The following TMTC2 variants were observed in gnomAD, a reference collection of about 807,000 sequenced individuals.
The protein encoded by TMTC2 is protein O-mannosyl-transferase TMTC2.
A neutral mutation model predicts 82.4 loss-of-function variants in TMTC2; 43 were observed. That is an observed-to-expected ratio of 0.52 (90% CI 0.41 to 0.67). The LOEUF (loss-of-function observed/expected upper bound fraction) is 0.67, where lower values mean the gene tolerates loss of function less well. Among genes scored for constraint, TMTC2 ranks in the 30% least tolerant of loss-of-function variants. The pLI is 0.00. For synonymous variants in TMTC2, 408 were observed against 381.9 expected, an observed-to-expected ratio of 1.07 and a Z score of -0.80; for missense variants, 919 against 1,012.4, an observed-to-expected ratio of 0.91 and a Z score of 1.25.
chr12:83,081,279 C>T (rs540497069), intron 11 of TMTC2, among the ~76,000 whole-genome samples: 1 of 152,278 alleles, frequency 6.6e-6, no homozygotes, highest in Non-Finnish European at 1.5e-5. Context: ...CATGTGATTA[C>T]TTTGCTCTGG....
intron 1 of TMTC2, among the ~76,000 whole-genome samples, chr12:82,829,254 T>C (rs548090276): frequency 6.6e-6 from 1 of 152,346 alleles, no homozygotes; most frequent in South Asian, 2.1e-4. Flanking sequence ...CTAAACCTAC[T>C]TCCTAGTGCT....
At chr12:82,769,858 C>T (rs1173911057) in intron 1 of TMTC2, among the ~76,000 whole-genome samples, 1 of 152,150 alleles carries the variant, frequency 6.6e-6, no homozygotes, top group Non-Finnish European at 1.5e-5. Context: ...GATCCACCTG[C>T]CTCGGCCTCC....
intron 11 of TMTC2, among the ~76,000 whole-genome samples, chr12:83,087,898 G>T (rs1038948476): frequency 3.3e-5 from 5 of 152,208 alleles, no homozygotes; most frequent in Non-Finnish European, 5.9e-5. Context: ...AGTTGCATTA[G>T]CCCCTCACAA....
chr12:82,730,210 G>A (rs371761386), intron 1 of TMTC2, among the ~76,000 whole-genome samples: 2 of 147,654 alleles, frequency 1.4e-5, no homozygotes, highest in South Asian at 4.3e-4. Flanking sequence ...CAGGAGAATC[G>A]CTTGAACCCA....
intron 2 of TMTC2, among the ~76,000 whole-genome samples, chr12:82,885,890 T>C (rs1399455256): frequency 6.6e-6 from 1 of 152,210 alleles, no homozygotes; most frequent in Non-Finnish European, 1.5e-5. Flanking sequence ...GAAGTCACTA[T>C]GCACAGACCA....
chr12:83,085,494 G>GTA (rs1883622360), intron 11 of TMTC2, among the ~76,000 whole-genome samples: 1 of 152,142 alleles, frequency 6.6e-6, no homozygotes, highest in South Asian at 2.1e-4. Context: ...AAATAGTGGT[G>GTA]TATATTCACT....
chr12:82,960,975 G>A (rs1291811405), intron 4 of TMTC2, among the ~76,000 whole-genome samples: 1 of 151,760 alleles, frequency 6.6e-6, no homozygotes, highest in Non-Finnish European at 1.5e-5. Context: ...TAAATTACAG[G>A]TCCTCATGTA....
chr12:82,763,243 T>C (rs994322842), intron 1 of TMTC2, among the ~76,000 whole-genome samples: 1 of 135,876 alleles, frequency 7.4e-6, no homozygotes, highest in Non-Finnish European at 1.6e-5. Context: ...AGCCACAAAC[T>C]GAATAGAAGA....
At chr12:83,007,984 C>G (rs1307104581) in intron 8 of TMTC2, among the ~76,000 whole-genome samples, 1 of 152,146 alleles carries the variant, frequency 6.6e-6, no homozygotes, top group Admixed American at 6.5e-5. Context: ...CAGAAGTTCA[C>G]TGTAATTCGC....
chr12:82,745,087 G>C (rs780474364), intron 1 of TMTC2, among the ~76,000 whole-genome samples: 1 of 151,982 alleles, frequency 6.6e-6, no homozygotes, highest in Non-Finnish European at 1.5e-5. Flanking sequence ...TTGCTGGAAG[G>C]AAAAAAGCAG....
chr12:82,711,507 C>T (rs912416521), intron 1 of TMTC2, among the ~76,000 whole-genome samples: 1 of 151,420 alleles, frequency 6.6e-6, no homozygotes, highest in Non-Finnish European at 1.5e-5. Context: ...GAAGTGAATA[C>T]ACTTCAAAAG....
At chr12:83,023,945 A>AT (rs1408363050) in intron 8 of TMTC2, among the ~76,000 whole-genome samples, 1 of 152,236 alleles carries the variant, frequency 6.6e-6, no homozygotes, top group African/African-American at 2.4e-5. Context: ...ACAAACATTA[A>AT]TATCAGTTAA....
rs1400385541 is a variant in TMTC2, at chr12:82,802,925, G to T, written c.84-54085G>T. Among the ~76,000 whole-genome samples, 3 of 152,150 alleles carry T rather than the reference G, an allele frequency of 2.0e-5. 1 individual carries two copies. Among genetic ancestry groups the T allele is most frequent in the Non-Finnish European group, 4.4e-5 (3 of 68,030 alleles). On this transcript the variant is annotated intron_variant, in intron 1 of 11. Coordinates refer to ENST00000321196, the MANE Select transcript of TMTC2 (RefSeq NM_152588.3). ...TTCAAGGAGCTTCTGTAGTATTCCT[G>T]GTTTGTAGTCATGAGGGCTTGAATG...
At chr12:82,930,344 C>T in intron 3 of TMTC2, 87 bp from the exon 4 acceptor site, 1 of 647,234 alleles carries the variant, frequency 1.5e-6, no homozygotes, top group South Asian at 2.7e-5. Context: ...GGTTTTCTCT[C>T]CCTGTGGTAC....
intron 11 of TMTC2, among the ~76,000 whole-genome samples, chr12:83,096,941 A>G (rs1261885004): frequency 2.0e-5 from 3 of 152,180 alleles, no homozygotes; most frequent in Admixed American, 1.3e-4. Context: ...AGTTCTTATC[A>G]TAATTAATCT....
At chr12:83,001,237 G>C (rs1438383876) in intron 8 of TMTC2, among the ~76,000 whole-genome samples, 1 of 152,052 alleles carries the variant, frequency 6.6e-6, no homozygotes, top group South Asian at 2.1e-4. Context: ...CTATTGCATT[G>C]TTAGCTCGCA....
intron 1 of TMTC2, among the ~76,000 whole-genome samples, chr12:82,823,688 G>A (rs529981953): frequency 1.3e-5 from 2 of 152,184 alleles, no homozygotes; most frequent in East Asian, 1.9e-4. Context: ...AGATGTTGGT[G>A]GTCATTGATT....
chr12:82,785,363 C>CA (rs1398433298), intron 1 of TMTC2, among the ~76,000 whole-genome samples: 1 of 149,046 alleles, frequency 6.7e-6, no homozygotes, highest in Non-Finnish European at 1.5e-5. Flanking sequence ...ACAACCCCCC[C>CA]CCGTCCCCCC....
At chr12:82,820,721 A>G (rs1247585271) in intron 1 of TMTC2, among the ~76,000 whole-genome samples, 1 of 152,178 alleles carries the variant, frequency 6.6e-6, no homozygotes, top group Non-Finnish European at 1.5e-5. Context: ...CTAAGTTTGT[A>G]TTAACTTTTA....
Sources: allele counts gnomAD v4.1 joint callset (sites outside exome capture counted in the v4.1 genomes callset), GRCh38; gene constraint gnomAD v4.1.1; transcripts MANE v1.5; gene names NCBI Gene and HGNC (gene_info 2026-07-23, HGNC 2026-07-21).